HMCN1: variants seen among roughly 807,000 people sequenced by gnomAD.
The protein encoded by HMCN1 is hemicentin-1.
Under a neutral mutation model 625.9 loss-of-function variants are expected in HMCN1, and 321 were observed. The ratio of observed to expected loss-of-function variants is 0.51; its 90% CI spans 0.47 to 0.56. The LOEUF (loss-of-function observed/expected upper bound fraction) is 0.56. HMCN1 is among the 20% of genes least tolerant of loss of function. HMCN1 has a pLI of 0.00. For synonymous variants in HMCN1, 2,425 were observed against 2,417.6 expected (o/e 1.00, Z -0.09); for missense variants, 6,588 against 6,887.3 (o/e 0.96, Z 1.54).
chr1:186,007,144 G>T lies in HMCN1; in HGVS notation c.4492G>T (p.Asp1498Tyr). The T allele has an allele frequency of 6.2e-7, 1 of 1,612,462 alleles. No homozygotes were observed. ...FKDGKPLFLG[D>Y]PNVELLDRGQ... ...TTTTTCTAGGCCTTTATTTTTGGGC[G>T]ATCCTAATGTTGAACTTCTAGACAG... is the stretch of plus-strand genomic sequence containing the variant. Residue 1498 changes from aspartate to tyrosine, a missense_variant, in exon 30 of 107, where the codon GAT becomes TAT. Physicochemically the swap from Asp to Tyr is radical, Grantham distance 160 (BLOSUM62 -3). Coordinates refer to ENST00000271588, the MANE Select transcript of HMCN1 (RefSeq NM_031935.3).
chr1:186,114,869 C>G lies in HMCN1; in HGVS notation c.11327C>G (p.Thr3776Ser). The G allele has an allele frequency of 6.2e-7, 1 of 1,614,102 alleles. No individual in the cohort carries two copies. The highest frequency in any genetic ancestry group is 8.5e-7 in the Non-Finnish European group (1 of 1,179,954). The change falls in exon 74 of 107, where the codon ACT becomes AGT. Residue 3776 changes from threonine to serine, a missense_variant. Transcript: ENST00000271588. ...CTTCATATTCAATCAGCACATGTCA[C>G]TGACACTGGACGGTATTTGTGTATG... ...GFLHIQSAHV[T>S]DTGRYLCMAT...
At chr1:185,877,423 G>T (rs1291132379) in intron 4 of HMCN1, among the ~76,000 whole-genome samples, 1 of 115,440 alleles carries the variant, frequency 8.7e-6, no homozygotes, top group East Asian at 3.0e-4. Flanking sequence ...TGTTCTTTTT[G>T]TTTAGGATTA....
At chr1:185,820,688 G>A (rs576539952) in intron 1 of HMCN1, among the ~76,000 whole-genome samples, 37 of 152,154 alleles carry the variant, frequency 2.4e-4, no homozygotes, top group African/African-American at 8.2e-4. Flanking sequence ...TTAGAGGATT[G>A]GTATGATTAA....
intron 100 of HMCN1, 144 bp downstream of exon 100, chr1:186,167,086 G>A (rs1421559534): frequency 3.9e-6 from 4 of 1,018,554 alleles, no homozygotes; most frequent in Non-Finnish European, 6.0e-6. Context: ...TCCAGCAAGA[G>A]GGACTCCTGT....
chr1:186,038,792 T>C, intron 37 of HMCN1, 37 bp from the exon 38 acceptor site: 1 of 1,368,978 alleles, frequency 7.3e-7, no homozygotes, highest in Non-Finnish European at 1.0e-6. Context: ...ATTTAAAAAA[T>C]TTTTACATAG....
In HMCN1 at chr1:186,108,638, GA is replaced by G. The variant is rs747800284; in HGVS notation, c.10989+47del. Reference sequence around the variant, plus strand: ...AGCTCCACAAATTCCTTTTTGAGATGAAAAAAGTAAAAAAATCAGCTCTAGG... The same window carrying G: ...AGCTCCACAAATTCCTTTTTGAGATGAAAAAGTAAAAAAATCAGCTCTAGG... On this transcript the variant is annotated intron_variant, in intron 71 of 106. Coordinates refer to ENST00000271588, the MANE Select transcript of HMCN1 (RefSeq NM_031935.3). The G allele has an allele frequency of 2.0e-5, 32 of 1,611,818 alleles. No individual in the cohort carries two copies. The South Asian group carries it at 2.4e-4, about 12-fold the overall frequency.
At chr1:185,926,845 G>T (rs1571569525) in intron 9 of HMCN1, among the ~76,000 whole-genome samples, 1 of 152,050 alleles carries the variant, frequency 6.6e-6, no homozygotes, top group Admixed American at 6.5e-5. Flanking sequence ...TTAGCAGCAG[G>T]GTGCATTTTT....
chr1:185,961,968 C>A (rs893441116), intron 11 of HMCN1, among the ~76,000 whole-genome samples: 1 of 152,068 alleles, frequency 6.6e-6, no homozygotes, highest in Non-Finnish European at 1.5e-5. Context: ...CTTTTATATA[C>A]AAGCCACTGC....
At chr1:186,179,079 T>G (rs564498662) in intron 104 of HMCN1, among the ~76,000 whole-genome samples, 1 of 152,294 alleles carries the variant, frequency 6.6e-6, no homozygotes, top group Non-Finnish European at 1.5e-5. Context: ...TGTAGTTTAT[T>G]TAAAAGAGGA....
At chr1:185,744,228 T>C (rs571272417) in intron 1 of HMCN1, among the ~76,000 whole-genome samples, 53 of 152,112 alleles carry the variant, frequency 3.5e-4, no homozygotes, top group African/African-American at 1.2e-3. Flanking sequence ...TCTCCTGACC[T>C]TGTGATCCAC....
At position 186,015,457 on chromosome 1, in the gene HMCN1, T is replaced by C; in HGVS notation, c.4909+20T>C. 1 of 1,608,422 alleles carries C rather than the reference T, an allele frequency of 6.2e-7. No individual in the cohort carries two copies. The highest frequency in any genetic ancestry group is 8.5e-7 in the Non-Finnish European group (1 of 1,175,504). ...TCTATGGTGAGGAACAACATATGCTTTAATTATATACCTTTCTACCTATGC... is the reference window on the plus strand; with the variant it reads ...TCTATGGTGAGGAACAACATATGCTCTAATTATATACCTTTCTACCTATGC... On this transcript the variant is annotated intron_variant, in intron 31 of 106. Coordinates refer to ENST00000271588, the MANE Select transcript of HMCN1 (RefSeq NM_031935.3).
intron 55 of HMCN1, among the ~76,000 whole-genome samples, chr1:186,078,885 T>A (rs1435215389): frequency 6.6e-6 from 1 of 152,180 alleles, no homozygotes; most frequent in Non-Finnish European, 1.5e-5. Flanking sequence ...AGGGAAAAGA[T>A]AAGTGACATA....
At chr1:186,029,462 A>T (rs1655275031) in intron 36 of HMCN1, among the ~76,000 whole-genome samples, 1 of 151,956 alleles carries the variant, frequency 6.6e-6, no homozygotes. Flanking sequence ...AGTAGTTTAT[A>T]TCTTTCTAAG....
chr1:186,154,568 A>G (rs1003654322), intron 97 of HMCN1, among the ~76,000 whole-genome samples: 1 of 152,198 alleles, frequency 6.6e-6, no homozygotes, highest in Non-Finnish European at 1.5e-5. Flanking sequence ...TTTTTATTCA[A>G]ATAATACAAA....
chr1:186,007,098 AC>A, intron 29 of HMCN1, 29 bp from the exon 30 acceptor site: 1 of 1,558,684 alleles, frequency 6.4e-7, no homozygotes, highest in Non-Finnish European at 8.8e-7. Context: ...CTGAAAATAG[AC>A]CCATGGAATA....
In HMCN1 at chr1:185,964,590, A is replaced by G. The variant is rs557463673; in HGVS notation, c.2098+695A>G. ...GGTATAGGTGAGGGAGAGAACCAAA[A>G]TGTCACAAGTATTGAATTGAGAGCC... On this transcript the variant is annotated intron_variant, in intron 13 of 106. Transcript: ENST00000271588. Among the ~76,000 whole-genome samples the G allele has an allele frequency of 2.0e-5, 3 of 152,258 alleles. No individual in the cohort carries two copies. The East Asian group carries it at 5.8e-4, about 29-fold the overall frequency.
intron 23 of HMCN1, 109 bp from the exon 24 acceptor site, chr1:185,994,706 A>G (rs1442291388): frequency 1.7e-6 from 2 of 1,149,176 alleles, no homozygotes; most frequent in African/African-American, 3.1e-5. Flanking sequence ...AAATTCTGAA[A>G]TTATTTCACT....
chr1:186,106,967 T>C lies in HMCN1; in HGVS notation c.10852+2T>C, dbSNP rs761303532. The C allele has an allele frequency of 1.1e-5, 17 of 1,591,456 alleles. No homozygotes were observed. The highest frequency in any genetic ancestry group is 1.5e-5 in the Non-Finnish European group (17 of 1,159,476). ...AGGAATATCTAGTGAGAGTGCATGGTAAATTTGACAAAATATCCTACAGTC... is the reference window on the plus strand; with the variant it reads ...AGGAATATCTAGTGAGAGTGCATGGCAAATTTGACAAAATATCCTACAGTC... On this transcript the variant is annotated splice_donor_variant, in intron 70 of 106. Coordinates refer to ENST00000271588, the MANE Select transcript of HMCN1 (RefSeq NM_031935.3). LOFTEE classifies it high-confidence loss of function.
Position 186,048,812 on chromosome 1 carries a change from G to GA in HMCN1, c.6557dup (p.Asn2186LysfsTer16), listed in dbSNP as rs1298533680. ...AGCAACAAATGTTGCTGGAAAAACT[G>GA]AAAAAAACTACAATGTCAACATTTG... is the stretch of plus-strand genomic sequence containing the variant. On this transcript the variant is annotated frameshift_variant, in exon 42 of 107. Coordinates refer to ENST00000271588, the MANE Select transcript of HMCN1 (RefSeq NM_031935.3). LOFTEE classifies it high-confidence loss of function. 2 of 1,609,870 alleles carry GA rather than the reference G, an allele frequency of 1.2e-6. No homozygotes were observed. Among genetic ancestry groups the GA allele is most frequent in the Middle Eastern group, 1.7e-4 (1 of 6,020 alleles).
Sources: gnomAD v4.1 joint callset for allele counts (sites outside exome capture counted in the v4.1 genomes callset) on GRCh38, gnomAD v4.1.1 for gene constraint, MANE v1.5 for transcripts, NCBI Gene and HGNC (gene_info 2026-07-23, HGNC 2026-07-21) for gene names.